The following RNF152 variants were observed in gnomAD, a reference collection of about 807,000 sequenced individuals.
RNF152 encodes the protein ring finger protein 152.
Under a neutral mutation model 12.7 loss-of-function variants are expected in RNF152, and 11 were observed. The ratio of observed to expected loss-of-function variants is 0.86; its 90% CI spans 0.54 to 1.43. RNF152 has a LOEUF of 1.43. RNF152 is among the 40% of genes most tolerant of loss of function. RNF152 has a pLI of 0.00. For missense variants in RNF152, 255 were observed against 274.8 expected (o/e 0.93, Z 0.51); for synonymous variants, 113 against 120.3 (o/e 0.94, Z 0.40).
intron 1 of RNF152, among the ~76,000 whole-genome samples, chr18:61,843,467 T>C (rs768579400): frequency 5.3e-5 from 8 of 152,162 alleles, no homozygotes; most frequent in Non-Finnish European, 1.2e-4. Context: ...CCCTAAAAAA[T>C]TGAAAGCAGG....
At chr18:61,859,864 GA>G (rs1911384577) in intron 1 of RNF152, among the ~76,000 whole-genome samples, 1 of 146,962 alleles carries the variant, frequency 6.8e-6, no homozygotes, top group Non-Finnish European at 1.5e-5. Context: ...GGACAACAGA[GA>G]CTCCACCTCA....
At chr18:61,886,620 C>A (rs1450883831) in intron 1 of RNF152, among the ~76,000 whole-genome samples, 1 of 152,220 alleles carries the variant, frequency 6.6e-6, no homozygotes, top group Admixed American at 6.5e-5. Context: ...CCCTCTCCTG[C>A]ACTAAGCAGG....
At chr18:61,858,520 C>T (rs555413080) in intron 1 of RNF152, among the ~76,000 whole-genome samples, 1 of 152,210 alleles carries the variant, frequency 6.6e-6, no homozygotes, top group East Asian at 1.9e-4. Flanking sequence ...TCTCCCTAGA[C>T]TTCACATTCC....
intron 1 of RNF152, among the ~76,000 whole-genome samples, chr18:61,860,778 G>A (rs565097462): frequency 5.3e-5 from 8 of 152,308 alleles, no homozygotes; most frequent in South Asian, 2.1e-4. Flanking sequence ...AGCTCCATGC[G>A]TGTATTACCC....
intron 1 of RNF152, among the ~76,000 whole-genome samples, chr18:61,832,739 A>T (rs1021611403): frequency 6.6e-6 from 1 of 152,210 alleles, no homozygotes; most frequent in Non-Finnish European, 1.5e-5. Flanking sequence ...TGGGCCAGCA[A>T]ATAAAATCGA....
chr18:61,860,524 G>C (rs1263857976), intron 1 of RNF152, among the ~76,000 whole-genome samples: 3 of 152,196 alleles, frequency 2.0e-5, no homozygotes, highest in Non-Finnish European at 4.4e-5. Context: ...AGTGAGGCTG[G>C]TGTAAAGAAA....
At chr18:61,876,377 T>C (rs1176728304) in intron 1 of RNF152, among the ~76,000 whole-genome samples, 5 of 152,130 alleles carry the variant, frequency 3.3e-5, no homozygotes, top group East Asian at 1.9e-4. Context: ...CTTTCTGACA[T>C]GGAAGCATTA....
intron 1 of RNF152, among the ~76,000 whole-genome samples, chr18:61,882,454 G>A (rs1259743622): frequency 6.6e-6 from 1 of 152,220 alleles, no homozygotes; most frequent in African/African-American, 2.4e-5. Flanking sequence ...GATTACATGG[G>A]AAAGAGGCAC....
chr18:61,875,247 C>T (rs1009775747), intron 1 of RNF152, among the ~76,000 whole-genome samples: 2 of 152,206 alleles, frequency 1.3e-5, no homozygotes, highest in Admixed American at 1.3e-4. Context: ...CAACCAGATT[C>T]CCAATATTCC....
At chr18:61,844,112 A>AAGAAAG (rs1293374796) in intron 1 of RNF152, among the ~76,000 whole-genome samples, 2 of 145,852 alleles carry the variant, frequency 1.4e-5, no homozygotes, top group Non-Finnish European at 3.1e-5. Context: ...GAAAGAAAGA[A>AAGAAAG]AGAAAGAAAG....
intron 1 of RNF152, among the ~76,000 whole-genome samples, chr18:61,885,055 A>G (rs1485547900): frequency 2.0e-5 from 3 of 152,238 alleles, no homozygotes; most frequent in Non-Finnish European, 2.9e-5. Context: ...CTTTACCTGC[A>G]TGGTTGAATT....
Position 61,813,737 on chromosome 18 carries a change from G to A in RNF152, c.*2115C>T, listed in dbSNP as rs1388927196. The stretch of plus-strand genomic sequence containing the variant: ...TCTGAATATGGCATAGCTTAAAATT[G>A]CAAGGGCAAAGTCTATTCGAAATGT... On this transcript the variant is annotated 3_prime_UTR_variant, in exon 2 of 2. Coordinates refer to ENST00000312828, the MANE Select transcript of RNF152 (RefSeq NM_173557.3). The A allele has an allele frequency of 1.3e-5, 2 of 152,134 alleles. No homozygotes were observed. Among genetic ancestry groups the A allele is most frequent in the Non-Finnish European group, 2.9e-5 (2 of 68,022 alleles). The allele number at this position is 152,134 out of a possible 1,614,324, so 9.4% of individuals were successfully genotyped here. A position where few individuals can be genotyped will look rare whatever the true frequency, so the allele number is the denominator to read the frequency against.
chr18:61,882,986 A>AGTCC (rs1339253607), intron 1 of RNF152, among the ~76,000 whole-genome samples: 2 of 152,202 alleles, frequency 1.3e-5, no homozygotes, highest in Non-Finnish European at 2.9e-5. Context: ...CAGAAAGAAA[A>AGTCC]AAAACACAGT....
intron 1 of RNF152, among the ~76,000 whole-genome samples, chr18:61,833,536 A>G (rs1472694856): frequency 1.3e-5 from 2 of 152,186 alleles, no homozygotes; most frequent in Admixed American, 6.5e-5. Context: ...TGGAATATCA[A>G]TGAAACCACA....
intron 1 of RNF152, among the ~76,000 whole-genome samples, chr18:61,860,980 T>TTTGG (rs1424214926): frequency 2.0e-5 from 3 of 152,320 alleles, no homozygotes; most frequent in South Asian, 2.1e-4. Context: ...AGAAAAATAT[T>TTTGG]TTGGTACAGT....
chr18:61,887,049 A>G (rs749722831), intron 1 of RNF152, among the ~76,000 whole-genome samples: 22 of 152,246 alleles, frequency 1.4e-4, no homozygotes, highest in Non-Finnish European at 2.6e-4. Context: ...AATAAGAAAG[A>G]GGCAATGAAA....
At position 61,808,857 on chromosome 18, in the gene RNF152, C is replaced by A. The variant is rs932601867; in HGVS notation, c.*6995G>T. 4 of 152,218 alleles carry A rather than the reference C, an allele frequency of 2.6e-5. No homozygotes were observed. Among genetic ancestry groups the A allele is most frequent in the African/African-American group, 9.7e-5 (4 of 41,434 alleles). The allele number at this position is 152,218 out of a possible 1,614,324, so 9.4% of individuals were successfully genotyped here. A position where few individuals can be genotyped will look rare whatever the true frequency, so the allele number is the denominator to read the frequency against. The stretch of plus-strand genomic sequence containing the variant: ...GTGGCAACCAACTCTAGAGCGGACT[C>A]TGAAATTGCCTAGTGTGCTAACAAT... On this transcript the variant is annotated 3_prime_UTR_variant, in exon 2 of 2. Coordinates refer to ENST00000312828, the MANE Select transcript of RNF152 (RefSeq NM_173557.3).
At chr18:61,825,124 A>G (rs1284395322) in intron 1 of RNF152, among the ~76,000 whole-genome samples, 4 of 152,242 alleles carry the variant, frequency 2.6e-5, no homozygotes, top group African/African-American at 9.6e-5. Flanking sequence ...CATAGCAGTG[A>G]GTAAGCAGAT....
intron 1 of RNF152, among the ~76,000 whole-genome samples, chr18:61,891,838 T>C (rs981017705): frequency 2.6e-5 from 4 of 152,216 alleles, no homozygotes; most frequent in Non-Finnish European, 5.9e-5. Flanking sequence ...GATACCAAGG[T>C]GTTACTGCAA....
Sources: allele counts gnomAD v4.1 joint callset (sites outside exome capture counted in the v4.1 genomes callset), GRCh38; gene constraint gnomAD v4.1.1; transcripts MANE v1.5; gene names NCBI Gene and HGNC (gene_info 2026-07-23, HGNC 2026-07-21).